The following LINGO2 variants were observed in gnomAD, a reference collection of about 807,000 sequenced individuals.
LINGO2 encodes the protein leucine-rich repeat and immunoglobulin-like domain-containing nogo receptor-interacting protein 2.
Under a neutral mutation model 30.6 loss-of-function variants are expected in LINGO2, and 14 were observed. The observed-to-expected ratio is 0.46, with a 90% confidence interval of 0.30 to 0.72. LINGO2 has a LOEUF of 0.72. Ranked by LOEUF, LINGO2 falls within the 30% of genes least tolerant of loss-of-function variation. The pLI is 0.07. For synonymous variants in LINGO2, 317 were observed against 288.5 expected (o/e 1.10, Z -1.00); for missense variants, 729 against 751.7 (o/e 0.97, Z 0.35).
rs568175621 is a variant in LINGO2 at position 28,149,135 on chromosome 9, A to G, written c.-86-136730T>C. On this transcript the variant is annotated intron_variant, in intron 4 of 5. Transcript: ENST00000379992. ...CCAGCAGGGCAACATGTGTAAGAAC[A>G]TGAGGGTGTTAAGTAGAACATCAAA... 6.7e-6 allele frequency: 10 copies of G among 1,490,274 alleles called. No homozygotes were observed. In the East Asian group the frequency reaches 2.5e-4, roughly 37 times the overall value. 92.3% of individuals were successfully genotyped at this position (1,490,274 alleles called of 1,614,324 possible).
chr9:28,980,427 T>C, the LINGO2 span, among the ~76,000 whole-genome samples: 6 of 152,114 alleles, frequency 3.9e-5, no homozygotes, highest in South Asian at 1.0e-3. Context: ...AAACAAAGTC[T>C]GTATGATGGC....
the LINGO2 span, among the ~76,000 whole-genome samples, chr9:28,713,517 C>G: frequency 6.6e-6 from 1 of 152,134 alleles, no homozygotes; most frequent in South Asian, 2.1e-4. Context: ...TCATAAAATG[C>G]TCCATGCTCT....
chr9:29,107,646 C>G, the LINGO2 span, among the ~76,000 whole-genome samples: 1 of 152,046 alleles, frequency 6.6e-6, no homozygotes, highest in Non-Finnish European at 1.5e-5. Context: ...TGTTAATTCT[C>G]AAACTGAATG....
chr9:28,506,760 G>A (rs1462536536), intron 1 of LINGO2, among the ~76,000 whole-genome samples: 1 of 151,192 alleles, frequency 6.6e-6, no homozygotes, highest in African/African-American at 2.4e-5. Context: ...TTTGTCTCTA[G>A]GTACCATAAT....
intron 4 of LINGO2, among the ~76,000 whole-genome samples, chr9:28,061,738 C>T (rs1427904916): frequency 6.6e-6 from 1 of 151,884 alleles, no homozygotes; most frequent in Non-Finnish European, 1.5e-5. Flanking sequence ...AAAGCACAAT[C>T]AAAGAAATGA....
chr9:28,830,891 C>T, the LINGO2 span, among the ~76,000 whole-genome samples: 4 of 152,118 alleles, frequency 2.6e-5, no homozygotes, highest in African/African-American at 7.2e-5. Flanking sequence ...TGCGCACGCA[C>T]GCACACACAC....
At chr9:28,470,195 T>C (rs980823417) in intron 2 of LINGO2, among the ~76,000 whole-genome samples, 32 of 152,188 alleles carry the variant, frequency 2.1e-4, no homozygotes, top group African/African-American at 7.7e-4. Flanking sequence ...AATGAGAGTG[T>C]ATTTAATCCT....
rs74553451 is a variant in LINGO2, at chr9:28,443,926, G to A, written c.-279+32014C>T. On this transcript the variant is annotated intron_variant, in intron 2 of 5. Transcript: ENST00000379992. ...AGTTCCAGGTGGAGTCCATGACCTGGAGTGAGAACTTATGGTGCTTTTCCC... is the reference window on the plus strand; with the variant it reads ...AGTTCCAGGTGGAGTCCATGACCTGAAGTGAGAACTTATGGTGCTTTTCCC... Among the ~76,000 whole-genome samples the A allele has an allele frequency of 6.8e-4, 104 of 152,232 alleles. 2 individuals carry two copies. The East Asian group carries it at 0.019, about 27-fold the overall frequency.
chr9:28,235,111 AGTG>A (rs534420173), intron 4 of LINGO2, among the ~76,000 whole-genome samples: 85 of 152,338 alleles, frequency 5.6e-4, no homozygotes, highest in African/African-American at 1.8e-3. Flanking sequence ...GCAGAGTCCC[AGTG>A]GTGGTGGCCA....
At chr9:28,469,124 C>T (rs1234384004) in intron 2 of LINGO2, among the ~76,000 whole-genome samples, 2 of 151,612 alleles carry the variant, frequency 1.3e-5, no homozygotes, top group Admixed American at 6.6e-5. Context: ...TAAAAAAGAA[C>T]CAAACATAAA....
At chr9:28,539,132 A>G (rs1023347858) in intron 1 of LINGO2, among the ~76,000 whole-genome samples, 17 of 152,218 alleles carry the variant, frequency 1.1e-4, no homozygotes, top group African/African-American at 3.6e-4. Context: ...AAAGATATAA[A>G]AGAAGATATA....
chr9:29,103,025 CAGTACTTGAAGAAACAA>C, the LINGO2 span, among the ~76,000 whole-genome samples: 1 of 152,020 alleles, frequency 6.6e-6, no homozygotes, highest in African/African-American at 2.4e-5. Flanking sequence ...AAATCTTCAA[CAGTACTTGAAGAAACAA>C]AACAACAGTA....
At position 28,573,991 on chromosome 9, in the gene LINGO2, G is replaced by A. The variant is rs903828561; in HGVS notation, c.-365+96209C>T. Among the ~76,000 whole-genome samples the A allele has an allele frequency of 8.5e-5, 13 of 152,064 alleles. No individual in the cohort carries two copies. The East Asian group carries it at 1.2e-3, about 14-fold the overall frequency. ...TCCAAATTTCTAAATTTTAAAAAATGACAATATAAAAATTAAACTGGCTAT... is the reference window on the plus strand; with the variant it reads ...TCCAAATTTCTAAATTTTAAAAAATAACAATATAAAAATTAAACTGGCTAT... On this transcript the variant is annotated intron_variant, in intron 1 of 5. Transcript: ENST00000379992.
chr9:29,106,257 G>A, the LINGO2 span, among the ~76,000 whole-genome samples: 6 of 152,108 alleles, frequency 3.9e-5, no homozygotes, highest in Non-Finnish European at 7.3e-5. Flanking sequence ...ACTCAGCACC[G>A]TGCTAGGAAA....
chr9:27,955,935 CTTTT>C (rs532878364), intron 5 of LINGO2, among the ~76,000 whole-genome samples: 7 of 106,770 alleles, frequency 6.6e-5, no homozygotes, highest in African/African-American at 1.6e-4. Flanking sequence ...TGGATACTGA[CTTTT>C]TTTTTTTTTT....
intron 4 of LINGO2, among the ~76,000 whole-genome samples, chr9:28,231,964 G>A (rs1821371868): frequency 6.6e-6 from 1 of 151,924 alleles, no homozygotes; most frequent in African/African-American, 2.4e-5. Flanking sequence ...AATATTCAAT[G>A]TTTATATTTA....
chr9:27,973,145 C>A (rs768718237), intron 5 of LINGO2, among the ~76,000 whole-genome samples: 2 of 152,088 alleles, frequency 1.3e-5, no homozygotes, highest in Non-Finnish European at 2.9e-5. Flanking sequence ...ATTGCATGAT[C>A]CAATGACCAT....
chr9:29,162,630 C>A, the LINGO2 span, among the ~76,000 whole-genome samples: 2 of 152,088 alleles, frequency 1.3e-5, no homozygotes, highest in Admixed American at 6.6e-5. Context: ...ATTAAACATT[C>A]TTCCAGAAAT....
chr9:28,545,900 G>T (rs1362729672), intron 1 of LINGO2, among the ~76,000 whole-genome samples: 2 of 151,954 alleles, frequency 1.3e-5, no homozygotes, highest in African/African-American at 4.8e-5. Flanking sequence ...CTTTTAAATT[G>T]TATCTGTCTG....
Sources: allele counts gnomAD v4.1 joint callset (sites outside exome capture counted in the v4.1 genomes callset), GRCh38; gene constraint gnomAD v4.1.1; transcripts MANE v1.5; gene names NCBI Gene and HGNC (gene_info 2026-07-23, HGNC 2026-07-21).